MCTP1: variants seen among roughly 807,000 people sequenced by gnomAD.
The protein encoded by MCTP1 is multiple C2 and transmembrane domain-containing protein 1.
A neutral mutation model predicts 120.6 loss-of-function variants in MCTP1; 69 were observed. That is an observed-to-expected ratio of 0.57 (90% CI 0.47 to 0.70). The LOEUF is 0.70. Ranked by LOEUF, MCTP1 falls within the 30% of genes least tolerant of loss-of-function variation. The pLI, the probability that MCTP1 is intolerant of heterozygous loss-of-function variation, is 0.00. For synonymous variants in MCTP1, 529 were observed against 493.1 expected (o/e 1.07, Z -0.96); for missense variants, 1,203 against 1,248.8 (o/e 0.96, Z 0.55).
intron 2 of MCTP1, among the ~76,000 whole-genome samples, chr5:94,954,172 A>G (rs7718393): frequency 0.36 from 13,777 of 38,788 alleles, 4,467 homozygotes; most frequent in Middle Eastern, 0.44. Flanking sequence ...ATATATACAT[A>G]TATATATATG....
intron 17 of MCTP1, among the ~76,000 whole-genome samples, chr5:94,832,686 T>G (rs910259379): frequency 6.6e-6 from 1 of 151,826 alleles, no homozygotes; most frequent in Non-Finnish European, 1.5e-5. Context: ...TGACAAGTGG[T>G]CTGGTTGTGA....
At chr5:95,187,198 C>T (rs990504932) in intron 1 of MCTP1, among the ~76,000 whole-genome samples, 22 of 152,080 alleles carry the variant, frequency 1.4e-4, no homozygotes, top group African/African-American at 3.9e-4. Context: ...TTGGAAGCAA[C>T]GTAAGTGTCC....
intron 3 of MCTP1, among the ~76,000 whole-genome samples, chr5:94,947,614 A>AGAGAGAGAGAGAGAGG (rs1819436767): frequency 7.5e-6 from 1 of 132,460 alleles, no homozygotes; most frequent in Non-Finnish European, 1.6e-5. Context: ...AGAGAGAGAG[A>AGAGAGAGAGAGAGAGG]GAGAGAGAAA....
intron 1 of MCTP1, among the ~76,000 whole-genome samples, chr5:95,098,274 AG>A (rs1756426021): frequency 6.6e-6 from 1 of 152,166 alleles, no homozygotes; most frequent in South Asian, 2.1e-4. Context: ...GTTGTGGGGT[AG>A]GGGTGAGCTG....
At chr5:94,940,224 C>A in intron 4 of MCTP1, 29 bp from the exon 5 acceptor site, 1 of 1,384,906 alleles carries the variant, frequency 7.2e-7, no homozygotes. Flanking sequence ...AGATTTTGAA[C>A]AGTCATTAAA....
intron 2 of MCTP1, among the ~76,000 whole-genome samples, chr5:94,962,696 T>C (rs752159162): frequency 1.3e-5 from 2 of 151,816 alleles, no homozygotes; most frequent in Non-Finnish European, 2.9e-5. Flanking sequence ...ATAAGAATGA[T>C]ACAATGAACT....
chr5:94,707,831 T>A (rs1755101439), intron 22 of MCTP1, among the ~76,000 whole-genome samples: 1 of 151,982 alleles, frequency 6.6e-6, no homozygotes, highest in South Asian at 2.1e-4. Flanking sequence ...AGTAAAACCA[T>A]CTACATCAAT....
chr5:95,007,162 G>A (rs934999231), intron 2 of MCTP1, among the ~76,000 whole-genome samples: 7 of 152,134 alleles, frequency 4.6e-5, no homozygotes, highest in African/African-American at 1.7e-4. Flanking sequence ...CAGATCTTAT[G>A]AGCACTCACT....
At chr5:94,889,554 A>G (rs1399180526) in intron 11 of MCTP1, among the ~76,000 whole-genome samples, 2 of 152,126 alleles carry the variant, frequency 1.3e-5, no homozygotes, top group Admixed American at 1.3e-4. Context: ...GCGCCACTGC[A>G]CTCCAGCCTG....
chr5:95,006,840 G>A (rs377023623), intron 2 of MCTP1, among the ~76,000 whole-genome samples: 1 of 152,184 alleles, frequency 6.6e-6, no homozygotes, highest in African/African-American at 2.4e-5. Context: ...TATATTCCAC[G>A]TCTCTGAAAC....
intron 19 of MCTP1, among the ~76,000 whole-genome samples, chr5:94,723,851 A>G (rs905219982): frequency 6.6e-6 from 1 of 152,136 alleles, no homozygotes; most frequent in African/African-American, 2.4e-5. Flanking sequence ...TGTTAAAATA[A>G]AAGCCAGGAA....
intron 19 of MCTP1, among the ~76,000 whole-genome samples, chr5:94,776,301 C>T (rs1775309171): frequency 1.3e-5 from 2 of 152,222 alleles, no homozygotes; most frequent in South Asian, 2.1e-4. Context: ...AATATCAATG[C>T]TGGCTCTAAA....
At chr5:95,209,585 A>G (rs1238905013) in intron 1 of MCTP1, among the ~76,000 whole-genome samples, 1 of 152,182 alleles carries the variant, frequency 6.6e-6, no homozygotes, top group East Asian at 1.9e-4. Flanking sequence ...AGTAAAGAGT[A>G]ATTTCCCCTA....
In MCTP1 at chr5:95,245,142, C is replaced by A. The variant is rs184332516; in HGVS notation, c.720+38714G>T. ...GGAATAGCATCAACAAAAAGGACATCCACACCAAAACCCCATCTGTAGGTC... is the reference window on the plus strand; with the variant it reads ...GGAATAGCATCAACAAAAAGGACATACACACCAAAACCCCATCTGTAGGTC... On this transcript the variant is annotated intron_variant, in intron 1 of 22. Coordinates refer to ENST00000515393, the MANE Select transcript of MCTP1 (RefSeq NM_024717.7). Among the ~76,000 whole-genome samples the A allele has an allele frequency of 9.0e-3, 1,363 of 152,208 alleles. 14 individuals are homozygous for A. The highest frequency in any genetic ancestry group is 0.013 in the Non-Finnish European group (910 of 68,004).
intron 17 of MCTP1, among the ~76,000 whole-genome samples, chr5:94,831,211 G>T (rs1381613250): frequency 6.6e-6 from 1 of 152,154 alleles, no homozygotes; most frequent in African/African-American, 2.4e-5. Flanking sequence ...GAAATGCCAA[G>T]AAAATTTCTA....
At chr5:95,197,735 A>C (rs983584107) in intron 1 of MCTP1, among the ~76,000 whole-genome samples, 3 of 152,164 alleles carry the variant, frequency 2.0e-5, no homozygotes, top group African/African-American at 7.2e-5. Flanking sequence ...ATTTATGTAC[A>C]TAGCTCTCTT....
chr5:95,063,447 T>G (rs1386158785), intron 1 of MCTP1, among the ~76,000 whole-genome samples: 1 of 152,250 alleles, frequency 6.6e-6, no homozygotes, highest in East Asian at 1.9e-4. Flanking sequence ...ATTCTCTCCT[T>G]CTTAGCCAAA....
intron 3 of MCTP1, among the ~76,000 whole-genome samples, chr5:94,947,577 T>TATAGAGAGAGAGAGAGAGAG: frequency 2.3e-4 from 11 of 47,398 alleles, no homozygotes; most frequent in South Asian, 1.4e-3. Context: ...TATATATATA[T>TATAGAGAGAGAGAGAGAGAG]AGAGAGAGAG....
intron 2 of MCTP1, among the ~76,000 whole-genome samples, chr5:94,953,868 TACAAA>T (rs1821381135): frequency 9.3e-6 from 1 of 107,696 alleles, no homozygotes; most frequent in Non-Finnish European, 2.0e-5. Context: ...TGCATATATA[TACAAA>T]TATATATGCA....
Sources: gnomAD v4.1 joint callset for allele counts (sites outside exome capture counted in the v4.1 genomes callset) on GRCh38, gnomAD v4.1.1 for gene constraint, MANE v1.5 for transcripts, NCBI Gene and HGNC (gene_info 2026-07-23, HGNC 2026-07-21) for gene names.